Variants in CRYBG1 observed in about 807,000 individuals in gnomAD.
CRYBG1 encodes the protein beta/gamma crystallin domain-containing protein 1.
Under a neutral mutation model 189.2 loss-of-function variants are expected in CRYBG1, and 139 were observed. The ratio of observed to expected loss-of-function variants is 0.73; its 90% CI spans 0.64 to 0.85. The LOEUF (loss-of-function observed/expected upper bound fraction) is 0.85, where lower values mean the gene tolerates loss of function less well. Ranked by LOEUF, CRYBG1 falls within the 40% of genes least tolerant of loss-of-function variation. The probability of loss-of-function intolerance (pLI) is 0.00; values close to 1 mark genes in which losing one functional copy is unlikely to be tolerated. For missense variants in CRYBG1, 2,611 were observed against 2,675.8 expected (o/e 0.98, Z 0.53); for synonymous variants, 1,023 against 1,017.1 (o/e 1.01, Z -0.11).
chr6:106,425,830 G>C (rs982765711), intron 1 of CRYBG1, among the ~76,000 whole-genome samples: 2 of 151,952 alleles, frequency 1.3e-5, no homozygotes, highest in Admixed American at 6.6e-5. Context: ...GTAGAGACAG[G>C]GTTTCACCAG....
At chr6:106,543,244 G>A (rs1233984464) in intron 10 of CRYBG1, among the ~76,000 whole-genome samples, 196 bp from the exon 11 acceptor site, 1 of 152,070 alleles carries the variant, frequency 6.6e-6, no homozygotes, top group Non-Finnish European at 1.5e-5. Flanking sequence ...TGGCCAGGCT[G>A]GTCTCGAACT....
chr6:106,369,849 T>C (rs1432183825), intron 1 of CRYBG1, among the ~76,000 whole-genome samples: 3 of 152,202 alleles, frequency 2.0e-5, no homozygotes, highest in Admixed American at 6.5e-5. Flanking sequence ...TAGTCCCATA[T>C]TGAGGAAAAA....
At position 106,530,241 on chromosome 6, in the gene CRYBG1, C is replaced by A; in HGVS notation, c.4644C>A (p.Tyr1548Ter). Residue 1548 changes from tyrosine to a stop codon, truncating the protein, a stop_gained, in exon 8 of 22, where the codon TAC becomes TAA. Coordinates refer to ENST00000633556, the MANE Select transcript of CRYBG1 (RefSeq NM_001371242.2). LOFTEE classifies it high-confidence loss of function. ...EPEGLGILSS[Y>*]FDDTEEMQGF... The stretch of plus-strand genomic sequence containing the variant: ...AAGGGTTAGGAATCCTAAGTTCCTA[C>A]TTTGATGATACTGAAGAAATGCAGG... 1 of 1,613,692 alleles carries A rather than the reference C, an allele frequency of 6.2e-7. No homozygotes were observed. The highest frequency in any genetic ancestry group is 8.5e-7 in the Non-Finnish European group (1 of 1,179,766).
At chr6:106,460,447 A>G (rs1003043835) in intron 2 of CRYBG1, among the ~76,000 whole-genome samples, 1 of 152,066 alleles carries the variant, frequency 6.6e-6, no homozygotes, top group Admixed American at 6.6e-5. Flanking sequence ...GATCAAAATT[A>G]TATTTTTATA....
chr6:106,410,123 A>G (rs1770899492), intron 1 of CRYBG1, among the ~76,000 whole-genome samples: 1 of 152,214 alleles, frequency 6.6e-6, no homozygotes, highest in East Asian at 1.9e-4. Context: ...CCATCTATCC[A>G]TCTGACAAAG....
At chr6:106,531,431 T>A (rs1257246508) in intron 8 of CRYBG1, among the ~76,000 whole-genome samples, 1 of 152,032 alleles carries the variant, frequency 6.6e-6, no homozygotes, top group Non-Finnish European at 1.5e-5. Flanking sequence ...CCATAGGAGG[T>A]CCCAGGAAAA....
intron 2 of CRYBG1, among the ~76,000 whole-genome samples, chr6:106,487,543 C>G (rs1240503410): frequency 6.6e-6 from 1 of 152,162 alleles, no homozygotes; most frequent in East Asian, 1.9e-4. Context: ...TGTTGAAGCT[C>G]TCAATGGTAT....
chr6:106,420,557 G>A (rs568109844), intron 1 of CRYBG1: 1 of 152,296 alleles, frequency 6.6e-6, no homozygotes, highest in South Asian at 2.1e-4. Flanking sequence ...CAGTTCCCAA[G>A]CTTAACTTCC....
At chr6:106,419,847 ACT>A (rs770701681) in intron 1 of CRYBG1, among the ~76,000 whole-genome samples, 2 of 152,092 alleles carry the variant, frequency 1.3e-5, no homozygotes, top group Non-Finnish European at 2.9e-5. Context: ...GACAAATATA[ACT>A]CTTTTGAAGT....
intron 2 of CRYBG1, among the ~76,000 whole-genome samples, chr6:106,493,373 A>G (rs888212125): frequency 6.6e-6 from 1 of 152,150 alleles, no homozygotes; most frequent in African/African-American, 2.4e-5. Flanking sequence ...GGAAACTGGA[A>G]CTCTTATGCA....
chr6:106,407,510 C>T lies in CRYBG1; in HGVS notation c.174-44184C>T, dbSNP rs1024518703. Among the ~76,000 whole-genome samples, 8 of 152,052 alleles carry T rather than the reference C, an allele frequency of 5.3e-5. No homozygotes were observed. The South Asian group carries it at 1.2e-3, about 24-fold the overall frequency. On this transcript the variant is annotated intron_variant, in intron 1 of 21. Coordinates refer to ENST00000633556, the MANE Select transcript of CRYBG1 (RefSeq NM_001371242.2). The stretch of plus-strand genomic sequence containing the variant: ...AAAATTAACAAGGATATTCAGGACT[C>T]GAACTCAGCTCTGGACCTAATAGAC...
chr6:106,427,271 G>A (rs923841556), intron 1 of CRYBG1, among the ~76,000 whole-genome samples: 4 of 152,076 alleles, frequency 2.6e-5, no homozygotes, highest in African/African-American at 9.7e-5. Context: ...CCAGCCTCTC[G>A]ACTTGAATGT....
At chr6:106,469,798 T>C (rs79513629) in intron 2 of CRYBG1, among the ~76,000 whole-genome samples, 3,661 of 152,326 alleles carry the variant, frequency 0.024, 148 homozygotes, top group East Asian at 0.14. Context: ...TTTGTAGCTA[T>C]CTTACATAAC....
chr6:106,553,654 G>A (rs1372151392), intron 16 of CRYBG1, 87 bp downstream of exon 16: 5 of 915,136 alleles, frequency 5.5e-6, no homozygotes, highest in Middle Eastern at 2.1e-4. Context: ...TGCCTGTTAG[G>A]TGCTTGGCAC....
intron 2 of CRYBG1, among the ~76,000 whole-genome samples, chr6:106,498,649 C>A (rs117826922): frequency 0.15 from 22,743 of 151,912 alleles, 1,720 homozygotes; most frequent in East Asian, 0.16. Flanking sequence ...CTGAGGTGGG[C>A]AGATAACTTG....
At chr6:106,365,535 C>T (rs1008863369) in intron 1 of CRYBG1, among the ~76,000 whole-genome samples, 4 of 151,456 alleles carry the variant, frequency 2.6e-5, no homozygotes, top group East Asian at 1.9e-4. Flanking sequence ...GCAGTCCTCC[C>T]GCCTTGGCCT....
chr6:106,448,966 A>G (rs75389717), intron 1 of CRYBG1, among the ~76,000 whole-genome samples: 6,396 of 152,310 alleles, frequency 0.042, 194 homozygotes, highest in Non-Finnish European at 0.072. Context: ...CAGTGACTAA[A>G]TTCAGTAGCA....
chr6:106,369,598 T>A (rs960527353), intron 1 of CRYBG1, among the ~76,000 whole-genome samples: 5 of 152,200 alleles, frequency 3.3e-5, no homozygotes, highest in Non-Finnish European at 7.3e-5. Flanking sequence ...TTTTTTAATC[T>A]TATGATTAGG....
At chr6:106,375,832 A>C (rs1770152116) in intron 1 of CRYBG1, among the ~76,000 whole-genome samples, 1 of 152,220 alleles carries the variant, frequency 6.6e-6, no homozygotes, top group Non-Finnish European at 1.5e-5. Flanking sequence ...TGAATTTCTG[A>C]AACTGCTGAT....
Sources: allele counts gnomAD v4.1 joint callset (sites outside exome capture counted in the v4.1 genomes callset), GRCh38; gene constraint gnomAD v4.1.1; transcripts MANE v1.5; gene names NCBI Gene and HGNC (gene_info 2026-07-23, HGNC 2026-07-21).